The following RGS6 variants were observed in gnomAD, a reference collection of about 807,000 sequenced individuals.
The protein encoded by RGS6 is regulator of G-protein signaling 6.
In RGS6, 30 loss-of-function variants were observed where a neutral mutation model predicts 78.5. That is an observed-to-expected ratio of 0.38 (90% CI 0.29 to 0.52). The LOEUF is 0.52. Among genes scored for constraint, RGS6 ranks in the 20% least tolerant of loss-of-function variants. The pLI, the probability that RGS6 is intolerant of heterozygous loss-of-function variation, is 0.85. For synonymous variants in RGS6, 206 were observed against 206.0 expected (o/e 1.00, Z 0.00); for missense variants, 495 against 609.7 (o/e 0.81, Z 1.98).
At chr14:71,887,690 C>G in the RGS6 span, among the ~76,000 whole-genome samples, 9 of 152,128 alleles carry the variant, frequency 5.9e-5, no homozygotes, top group African/African-American at 2.2e-4. Context: ...GCTCTCAAAC[C>G]CTGTTTTCTG....
chr14:72,547,205 A>AG, intron 17 of RGS6: 2 of 1,535,410 alleles, frequency 1.3e-6, no homozygotes, highest in Non-Finnish European at 1.7e-6. Flanking sequence ...ACCGCAGCAG[A>AG]GGGGGCCAGA....
At chr14:72,255,634 T>A (rs1213212475) in intron 2 of RGS6, among the ~76,000 whole-genome samples, 1 of 152,166 alleles carries the variant, frequency 6.6e-6, no homozygotes, top group Non-Finnish European at 1.5e-5. Context: ...TGGCACAAAT[T>A]CTCTTTAACT....
At chr14:72,308,735 A>G (rs530566541) in intron 2 of RGS6, among the ~76,000 whole-genome samples, 1 of 152,226 alleles carries the variant, frequency 6.6e-6, no homozygotes, top group African/African-American at 2.4e-5. Context: ...CTCAAAATAT[A>G]CATGTATTCC....
rs940094532 is a variant in RGS6, at chr14:72,226,351, A to T, written c.85-125744A>T. Among the ~76,000 whole-genome samples, 4 of 152,236 alleles carry T rather than the reference A, an allele frequency of 2.6e-5. 1 individual carries two copies. The highest frequency in any genetic ancestry group is 5.9e-5 in the Non-Finnish European group (4 of 68,040). On this transcript the variant is annotated intron_variant, in intron 2 of 17. Coordinates refer to ENST00000553525, the MANE Select transcript of RGS6 (RefSeq NM_001204424.2). ...ATATTTTCTCAGACATTAAAATTTT[A>T]AAATCTAGATGTCATATCAAAGTAT...
chr14:72,320,541 A>G (rs890899035), intron 2 of RGS6, among the ~76,000 whole-genome samples: 8 of 152,084 alleles, frequency 5.3e-5, no homozygotes, highest in African/African-American at 1.4e-4. Flanking sequence ...TCACACCACT[A>G]CACTCCAGCC....
the RGS6 span, among the ~76,000 whole-genome samples, chr14:71,916,079 T>C: frequency 6.6e-6 from 1 of 152,246 alleles, no homozygotes; most frequent in Non-Finnish European, 1.5e-5. Flanking sequence ...TATTTTCTCA[T>C]GGCAGTCCTA....
chr14:72,313,165 C>T (rs980971031), intron 2 of RGS6, among the ~76,000 whole-genome samples: 1 of 152,204 alleles, frequency 6.6e-6, no homozygotes, highest in African/African-American at 2.4e-5. Context: ...CCATCTCCCT[C>T]ATAGAGGAGT....
intron 2 of RGS6, among the ~76,000 whole-genome samples, chr14:72,265,677 A>G (rs1392479925): frequency 1.3e-5 from 2 of 152,030 alleles, no homozygotes; most frequent in Non-Finnish European, 2.9e-5. Context: ...TGCCTGTGTC[A>G]TTACAGTAGC....
chr14:72,187,162 T>G (rs1426353923), intron 2 of RGS6, among the ~76,000 whole-genome samples: 2 of 152,232 alleles, frequency 1.3e-5, no homozygotes, highest in Admixed American at 6.5e-5. Context: ...GATGCATTGA[T>G]TTTTTAAAAA....
chr14:72,408,834 A>G (rs1298459230), intron 3 of RGS6, among the ~76,000 whole-genome samples: 2 of 152,172 alleles, frequency 1.3e-5, no homozygotes, highest in Non-Finnish European at 2.9e-5. Flanking sequence ...GATAAAAATG[A>G]TGGGAGGATG....
At chr14:72,589,299 C>G in the RGS6 span, among the ~76,000 whole-genome samples, 2 of 152,190 alleles carry the variant, frequency 1.3e-5, no homozygotes, top group South Asian at 2.1e-4. Context: ...CCTGTAATCC[C>G]AACACTTTGG....
chr14:71,991,015 A>C, intron 2 of RGS6: 1 of 360,748 alleles, frequency 2.8e-6, no homozygotes, highest in Admixed American at 3.7e-5. Context: ...TGTGAATCCA[A>C]TGCCATGTAA....
intron 3 of RGS6, among the ~76,000 whole-genome samples, chr14:72,444,719 A>G (rs1242658611): frequency 6.6e-6 from 1 of 152,254 alleles, no homozygotes; most frequent in Non-Finnish European, 1.5e-5. Context: ...TGCCGTTGTC[A>G]TATACCCATG....
chr14:72,228,116 C>T (rs2048576666), intron 2 of RGS6, among the ~76,000 whole-genome samples: 1 of 152,198 alleles, frequency 6.6e-6, no homozygotes, highest in Non-Finnish European at 1.5e-5. Context: ...CGGTGGCTGA[C>T]ACCTGTAATC....
chr14:72,218,466 A>G (rs1461389115), intron 2 of RGS6, among the ~76,000 whole-genome samples: 2 of 151,988 alleles, frequency 1.3e-5, no homozygotes, highest in Non-Finnish European at 2.9e-5. Flanking sequence ...GTATATTAAT[A>G]TTAAATTAAT....
chr14:72,158,205 C>T (rs1019055950), intron 2 of RGS6, among the ~76,000 whole-genome samples: 3 of 152,112 alleles, frequency 2.0e-5, no homozygotes, highest in Non-Finnish European at 2.9e-5. Flanking sequence ...TCCTCAGGGC[C>T]GCGAGGGCAG....
intron 2 of RGS6, among the ~76,000 whole-genome samples, chr14:72,153,126 G>C (rs123242): frequency 0.065 from 9,914 of 152,106 alleles, 500 homozygotes; most frequent in East Asian, 0.27. Context: ...GACAGGAGTG[G>C]GAAATTATCC....
At position 71,962,290 on chromosome 14, in the gene RGS6, TGGGCAGAGGGAGGCC is replaced by T. The variant is rs938631597; in HGVS notation, c.-20-2466_-20-2452del. ...GCTTCTGTTGGTGGGAGGGGGTGGC[TGGGCAGAGGGAGGCC>T]GGGCAGAGGGAGGCCTGACACGTTT... On this transcript the variant is annotated intron_variant, in intron 1 of 17. Transcript: ENST00000553525. Among the ~76,000 whole-genome samples the T allele has an allele frequency of 4.4e-3, 668 of 152,186 alleles. 5 individuals are homozygous for T. The highest frequency in any genetic ancestry group is 0.015 in the African/African-American group (614 of 41,504).
At position 72,225,133 on chromosome 14, in the gene RGS6, T is replaced by G. The variant is rs557708182; in HGVS notation, c.85-126962T>G. On this transcript the variant is annotated intron_variant, in intron 2 of 17. Transcript: ENST00000553525. The stretch of plus-strand genomic sequence containing the variant: ...TGATGAATTTAATAGGATTATGTCT[T>G]ACTAATGACATTAGGCTCCTGGGTC... Among the ~76,000 whole-genome samples the G allele has an allele frequency of 3.9e-5, 6 of 152,314 alleles. No individual in the cohort carries two copies. The East Asian group carries it at 1.2e-3, about 29-fold the overall frequency.
Sources: gnomAD v4.1 joint callset for allele counts (sites outside exome capture counted in the v4.1 genomes callset) on GRCh38, gnomAD v4.1.1 for gene constraint, MANE v1.5 for transcripts, NCBI Gene and HGNC (gene_info 2026-07-23, HGNC 2026-07-21) for gene names.